Variants in CECR2 observed in about 807,000 individuals in gnomAD.
CECR2 encodes CECR2 histone acetyl-lysine reader.
Under a neutral mutation model 154.5 loss-of-function variants are expected in CECR2, and 30 were observed. The observed-to-expected ratio is 0.19, with a 90% CI of 0.15 to 0.26. The LOEUF (loss-of-function observed/expected upper bound fraction) is 0.26, where lower values mean the gene tolerates loss of function less well. Among genes scored for constraint, CECR2 ranks in the 10% least tolerant of loss-of-function variants. CECR2 has a pLI of 1.00. For synonymous variants in CECR2, 725 were observed against 683.7 expected, an observed-to-expected ratio of 1.06 and a Z score of -0.94; for missense variants, 1,743 against 1,829.3, an observed-to-expected ratio of 0.95 and a Z score of 0.86.
chr22:17,411,860 T>G (rs1433102338), intron 1 of CECR2, among the ~76,000 whole-genome samples: 2 of 152,172 alleles, frequency 1.3e-5, no homozygotes. Flanking sequence ...TTTTATGGCT[T>G]TTTAAAGGTA....
chr22:17,542,631 CTACCTCATGGAG>C lies in CECR2; in HGVS notation c.2490_2501del (p.His832_Pro835del). The C allele has an allele frequency of 6.2e-7, 1 of 1,614,044 alleles. No homozygotes were observed. The highest frequency in any genetic ancestry group is 2.2e-5 in the East Asian group (1 of 44,894). ...CCAGTGGACTGAACAATCAGGCTTCCTACCTCATGGAGTTCCTTCCTCAGGGTACATGCGACC... is the reference window on the plus strand; with the variant it reads ...CCAGTGGACTGAACAATCAGGCTTCCTTCCTTCCTCAGGGTACATGCGACC... On this transcript the variant is annotated inframe_deletion, in exon 16 of 19. Coordinates refer to ENST00000262608, the MANE Select transcript of CECR2 (RefSeq NM_001290047.2).
chr22:17,408,050 G>A (rs2054011551), intron 1 of CECR2, among the ~76,000 whole-genome samples: 1 of 152,118 alleles, frequency 6.6e-6, no homozygotes, highest in Admixed American at 6.6e-5. Flanking sequence ...TTAAACTGAA[G>A]CAAAATTTAC....
rs185791231 is a variant in CECR2 at position 17,538,270 on chromosome 22, A to G, written c.1239-250A>G. ...TAAATAACTAACATTCTAGAACCAT[A>G]AAGTTCTGGATCATCCAGGCCAACC... On this transcript the variant is annotated intron_variant, in intron 10 of 18. Coordinates refer to ENST00000262608, the MANE Select transcript of CECR2 (RefSeq NM_001290047.2). Among the ~76,000 whole-genome samples, 87 of 152,332 alleles carry G rather than the reference A, an allele frequency of 5.7e-4. No individual in the cohort carries two copies. In the South Asian group the frequency reaches 0.011, roughly 19 times the overall value.
intron 1 of CECR2, among the ~76,000 whole-genome samples, chr22:17,380,291 A>T (rs938998153): frequency 6.6e-6 from 1 of 152,134 alleles, no homozygotes; most frequent in Non-Finnish European, 1.5e-5. Flanking sequence ...TCTTTTTTGT[A>T]CTTCGTTAGC....
At chr22:17,518,790 C>T in intron 8 of CECR2, 1 of 339,892 alleles carries the variant, frequency 2.9e-6, no homozygotes. Flanking sequence ...TTTGCAGAGC[C>T]AGTTTTCTTT....
chr22:17,511,687 G>T, intron 7 of CECR2, 126 bp from the exon 8 acceptor site: 1 of 634,062 alleles, frequency 1.6e-6, no homozygotes. Flanking sequence ...TCCTAAGGAA[G>T]CCTTTGGCCC....
intron 1 of CECR2, among the ~76,000 whole-genome samples, chr22:17,445,079 T>C (rs1221474628): frequency 6.6e-6 from 1 of 152,250 alleles, no homozygotes; most frequent in Non-Finnish European, 1.5e-5. Context: ...TTTTGAATAC[T>C]ATAGTACATA....
chr22:17,463,033 G>A (rs879267091), intron 1 of CECR2, among the ~76,000 whole-genome samples: 1 of 152,218 alleles, frequency 6.6e-6, no homozygotes, highest in Non-Finnish European at 1.5e-5. Flanking sequence ...GAAAATAAAT[G>A]CATATAATCA....
intron 1 of CECR2, among the ~76,000 whole-genome samples, chr22:17,458,555 C>G (rs1269691336): frequency 6.6e-6 from 1 of 151,236 alleles, no homozygotes; most frequent in Non-Finnish European, 1.5e-5. Flanking sequence ...AAGATGTTAC[C>G]ATTGGGGAAA....
chr22:17,463,886 C>G (rs1052185457), intron 1 of CECR2, among the ~76,000 whole-genome samples: 4 of 151,946 alleles, frequency 2.6e-5, no homozygotes, highest in Non-Finnish European at 5.9e-5. Flanking sequence ...GGGTGGTTCT[C>G]CAGCAGTAGA....
intron 1 of CECR2, among the ~76,000 whole-genome samples, chr22:17,421,665 C>A (rs1172756232): frequency 2.2e-5 from 3 of 136,470 alleles, no homozygotes; most frequent in Non-Finnish European, 3.1e-5. Flanking sequence ...TGGTGGCAGG[C>A]GCCTGTTATC....
At chr22:17,377,470 C>G (rs1213826214) in intron 1 of CECR2, among the ~76,000 whole-genome samples, 1 of 151,592 alleles carries the variant, frequency 6.6e-6, no homozygotes, top group African/African-American at 2.4e-5. Context: ...ACTATGTTAC[C>G]CAGGCTGGAT....
intron 1 of CECR2, among the ~76,000 whole-genome samples, chr22:17,459,473 T>G (rs546279982): frequency 9.2e-5 from 14 of 151,768 alleles, no homozygotes; most frequent in African/African-American, 2.9e-4. Flanking sequence ...TTGTGTGTGT[T>G]TTTTTTTGTT....
chr22:17,544,584 G>C (rs1029345311), intron 16 of CECR2, among the ~76,000 whole-genome samples: 1 of 151,462 alleles, frequency 6.6e-6, no homozygotes, highest in African/African-American at 2.4e-5. Flanking sequence ...GCCAAGGCAG[G>C]CAGATCACCT....
At chr22:17,454,812 T>C (rs1345572052) in intron 1 of CECR2, among the ~76,000 whole-genome samples, 1 of 152,226 alleles carries the variant, frequency 6.6e-6, no homozygotes, top group Non-Finnish European at 1.5e-5. Flanking sequence ...TCCAGCTGTT[T>C]GAAATGCTTG....
chr22:17,361,476 A>G (rs2062977209), intron 1 of CECR2, among the ~76,000 whole-genome samples: 1 of 152,040 alleles, frequency 6.6e-6, no homozygotes, highest in African/African-American at 2.4e-5. Context: ...GTCCATCTCA[A>G]ACAAAACAAA....
chr22:17,548,425 G>A lies in CECR2; in HGVS notation c.3138G>A (p.Val1046=). The A allele has an allele frequency of 6.2e-7, 1 of 1,613,976 alleles. No individual in the cohort carries two copies. Among genetic ancestry groups the A allele is most frequent in the Non-Finnish European group, 8.5e-7 (1 of 1,179,882 alleles). ...GGTGCGTGAGAGACCTCTCCACGGT[G>A]GCAGACAGGGGCGCTCTATCCGAGA... The part of the protein sequence containing the change: ...AQGCVRDLST[V]ADRGALSENG... The change falls in exon 17 of 19, where the codon GTG becomes GTA. Residue 1046 remains valine, a synonymous_variant. Coordinates refer to ENST00000262608, the MANE Select transcript of CECR2 (RefSeq NM_001290047.2).
At position 17,508,833 on chromosome 22, in the gene CECR2, C is replaced by T. The variant is rs75669884; in HGVS notation, c.871-2980C>T. On this transcript the variant is annotated intron_variant, in intron 7 of 18. Transcript: ENST00000262608. ...TGACTGCGTGTCAGATTGTTAATAG[C>T]GAGAAGTAAAAGCTGTCTTGTTACC... 1.7e-4 allele frequency among the ~76,000 whole-genome samples: 26 copies of T among 152,240 alleles called. No homozygotes were observed. In the East Asian group the frequency reaches 5.0e-3, roughly 29 times the overall value.
intron 9 of CECR2, among the ~76,000 whole-genome samples, chr22:17,525,052 G>A (rs189402471): frequency 0.021 from 3,011 of 146,086 alleles, 100 homozygotes; most frequent in African/African-American, 0.072. Context: ...GGGAGGCCAA[G>A]GGGGGCGGAT....
Sources: gnomAD v4.1 joint callset for allele counts (sites outside exome capture counted in the v4.1 genomes callset) on GRCh38, gnomAD v4.1.1 for gene constraint, MANE v1.5 for transcripts, NCBI Gene and HGNC (gene_info 2026-07-23, HGNC 2026-07-21) for gene names.